The following NREP variants were observed in gnomAD, a reference collection of about 807,000 sequenced individuals.
NREP encodes neuronal regeneration related protein, also known as neuronal regeneration-related protein.
NREP carries 5 observed loss-of-function variants against 8.6 expected under a neutral mutation model. That is an observed-to-expected ratio of 0.58 (90% CI 0.30 to 1.22). NREP has a LOEUF of 1.22. NREP is among the 50% of genes most tolerant of loss of function. The pLI is 0.07. For missense variants in NREP, 86 were observed against 82.5 expected (o/e 1.04, Z -0.17); for synonymous variants, 27 against 28.0 (o/e 0.96, Z 0.11).
intron 2 of NREP, among the ~76,000 whole-genome samples, chr5:111,887,677 T>G (rs1307016706): frequency 2.6e-5 from 4 of 152,224 alleles, no homozygotes; most frequent in Non-Finnish European, 4.4e-5. Flanking sequence ...TGGCTATTTT[T>G]CACTGAGACT....
intron 2 of NREP, among the ~76,000 whole-genome samples, chr5:111,841,780 C>G (rs774872795): frequency 6.6e-6 from 1 of 152,096 alleles, no homozygotes; most frequent in African/African-American, 2.4e-5. Flanking sequence ...TTAGAGACCC[C>G]TCTTCTGGTC....
intron 2 of NREP, among the ~76,000 whole-genome samples, chr5:111,967,485 C>G (rs977796205): frequency 6.6e-6 from 1 of 152,230 alleles, no homozygotes; most frequent in Non-Finnish European, 1.5e-5. Context: ...CACAGCAAAG[C>G]TAAAGTCCTC....
At chr5:111,829,450 C>T (rs1022147383) in intron 2 of NREP, among the ~76,000 whole-genome samples, 2 of 152,184 alleles carry the variant, frequency 1.3e-5, no homozygotes, top group African/African-American at 2.4e-5. Context: ...TGACACCCAC[C>T]GGCCCATAAA....
intron 2 of NREP, among the ~76,000 whole-genome samples, chr5:111,824,581 T>C (rs1752579533): frequency 6.6e-6 from 1 of 152,182 alleles, no homozygotes; most frequent in South Asian, 2.1e-4. Context: ...CTTTTTTATC[T>C]ATAGAAATAT....
chr5:111,824,293 A>G (rs549491277), intron 2 of NREP, among the ~76,000 whole-genome samples: 2 of 152,308 alleles, frequency 1.3e-5, no homozygotes, highest in South Asian at 4.1e-4. Context: ...GGCATGAACC[A>G]GGGAGGCGGA....
At chr5:111,845,592 C>A (rs371723688) in intron 2 of NREP, among the ~76,000 whole-genome samples, 1 of 152,042 alleles carries the variant, frequency 6.6e-6, no homozygotes, top group Non-Finnish European at 1.5e-5. Flanking sequence ...AACAGTTATT[C>A]CAGTGACTTT....
intron 2 of NREP, among the ~76,000 whole-genome samples, chr5:111,884,273 G>A (rs1441779869): frequency 6.6e-6 from 1 of 151,502 alleles, no homozygotes; most frequent in East Asian, 1.9e-4. Context: ...GACTAAACCA[G>A]GAAGAAGTTG....
Position 111,745,422 on chromosome 5 carries a change from T to C in NREP, c.4-9915A>G, listed in dbSNP as rs370662361. 1.5e-4 allele frequency among the ~76,000 whole-genome samples: 23 copies of C among 152,312 alleles called. No homozygotes were observed. In the East Asian group the frequency reaches 3.9e-3, roughly 26 times the overall value. On this transcript the variant is annotated intron_variant, in intron 2 of 3. Transcript: ENST00000257435. ...CTAGTAACCACAGTTTTTTTCTTTT[T>C]TCAATGTTCCCTGGAAGGAAATGTC...
At chr5:111,741,305 C>T (rs372595580) in intron 2 of NREP, among the ~76,000 whole-genome samples, 3 of 152,132 alleles carry the variant, frequency 2.0e-5, no homozygotes, top group African/African-American at 7.2e-5. Flanking sequence ...ATGTTTTATT[C>T]TGCCTAACTA....
At chr5:111,842,325 T>C (rs1753048977) in intron 2 of NREP, among the ~76,000 whole-genome samples, 1 of 152,146 alleles carries the variant, frequency 6.6e-6, no homozygotes, top group South Asian at 2.1e-4. Flanking sequence ...TCCAGAGGAT[T>C]TTCAAGGGTA....
chr5:111,895,719 CATT>C (rs1253779921), intron 2 of NREP, among the ~76,000 whole-genome samples: 1 of 152,136 alleles, frequency 6.6e-6, no homozygotes, highest in East Asian at 1.9e-4. Flanking sequence ...AGATATTTAA[CATT>C]ATTCCTTAGC....
At chr5:111,774,766 A>C (rs1328515885) in intron 2 of NREP, among the ~76,000 whole-genome samples, 1 of 152,238 alleles carries the variant, frequency 6.6e-6, no homozygotes, top group African/African-American at 2.4e-5. Context: ...CAGAGCCTCC[A>C]GAAAGGAATG....
upstream of NREP, chr5:111,758,290 G>C (rs963255482): frequency 4.1e-6 from 4 of 980,736 alleles, no homozygotes; most frequent in Non-Finnish European, 4.8e-6. Flanking sequence ...ATCGGCCCAA[G>C]ACATACTCCC....
chr5:111,840,905 T>G (rs921136705), intron 2 of NREP, among the ~76,000 whole-genome samples: 1 of 152,074 alleles, frequency 6.6e-6, no homozygotes, highest in South Asian at 2.1e-4. Context: ...AGAAAGAGAT[T>G]TGCCTAATAT....
At chr5:111,949,629 T>C (rs1397854703) in intron 2 of NREP, among the ~76,000 whole-genome samples, 1 of 152,064 alleles carries the variant, frequency 6.6e-6, no homozygotes. Context: ...CCTCCCTGTG[T>C]CCATGTGTTC....
chr5:111,963,676 A>T (rs1175164971), intron 2 of NREP, among the ~76,000 whole-genome samples: 1 of 152,214 alleles, frequency 6.6e-6, no homozygotes, highest in African/African-American at 2.4e-5. Context: ...TGTGAGCTTG[A>T]AAAAGGAAGA....
chr5:111,821,012 T>C (rs1752502003), intron 2 of NREP, among the ~76,000 whole-genome samples: 1 of 152,196 alleles, frequency 6.6e-6, no homozygotes, highest in Non-Finnish European at 1.5e-5. Flanking sequence ...TCCCCAGTCT[T>C]TCAGATTTCA....
intron 2 of NREP, among the ~76,000 whole-genome samples, chr5:111,919,110 T>C (rs1045565582): frequency 8.2e-6 from 1 of 121,720 alleles, no homozygotes; most frequent in Non-Finnish European, 2.1e-5. Flanking sequence ...ACATTTATGC[T>C]GCCAAAAAAC....
At chr5:111,919,895 G>A (rs530384027) in intron 2 of NREP, among the ~76,000 whole-genome samples, 44 of 145,934 alleles carry the variant, frequency 3.0e-4, no homozygotes, top group South Asian at 9.2e-4. Context: ...AAGAAAGAAA[G>A]AAAGAAAGAA....
Sources: gnomAD v4.1 joint callset for allele counts (sites outside exome capture counted in the v4.1 genomes callset) on GRCh38, gnomAD v4.1.1 for gene constraint, MANE v1.5 for transcripts, NCBI Gene and HGNC (gene_info 2026-07-23, HGNC 2026-07-21) for gene names.